The following SORBS2 variants were observed in gnomAD, a reference collection of about 807,000 sequenced individuals.
The protein encoded by SORBS2 is sorbin and SH3 domain containing 2.
In SORBS2, 46 loss-of-function variants were observed where a neutral mutation model predicts 97.7. That is an observed-to-expected ratio of 0.47 (90% CI 0.37 to 0.60). The LOEUF (loss-of-function observed/expected upper bound fraction) is 0.60, where lower values mean the gene tolerates loss of function less well. SORBS2 is among the 20% of genes least tolerant of loss of function. SORBS2 has a pLI of 0.00. For missense variants in SORBS2, 1,316 were observed against 1,282.3 expected, an observed-to-expected ratio of 1.03 and a Z score of -0.40; for synonymous variants, 476 against 473.4, an observed-to-expected ratio of 1.01 and a Z score of -0.07.
chr4:185,613,632 G>A (rs2096578882), intron 11 of SORBS2, among the ~76,000 whole-genome samples: 3 of 119,234 alleles, frequency 2.5e-5, no homozygotes, highest in Non-Finnish European at 4.9e-5. Flanking sequence ...GGGTGACAGA[G>A]TGACACTCCA....
At chr4:185,688,277 C>A (rs56058454) in intron 2 of SORBS2, among the ~76,000 whole-genome samples, 2 of 151,814 alleles carry the variant, frequency 1.3e-5, no homozygotes, top group African/African-American at 4.8e-5. Flanking sequence ...TAAAAGAATG[C>A]TTTTTAGCCG....
intron 2 of SORBS2, among the ~76,000 whole-genome samples, chr4:185,747,019 G>A (rs546914985): frequency 2.6e-5 from 4 of 152,304 alleles, no homozygotes; most frequent in Middle Eastern, 3.4e-3. Context: ...AGTGCCGGGC[G>A]CAGTGGCTCA....
intron 4 of SORBS2, 77 bp from the exon 14 acceptor site, chr4:185,639,112 G>T: frequency 1.5e-6 from 2 of 1,320,846 alleles, no homozygotes; most frequent in South Asian, 3.0e-5. Context: ...CCCTGGCAGC[G>T]CGCTGTGCCT....
chr4:185,883,325 A>G (rs2168165), intron 1 of SORBS2, among the ~76,000 whole-genome samples: 41,523 of 152,138 alleles, frequency 0.27, 5,927 homozygotes, highest in East Asian at 0.54. Context: ...TTAGGAAAAT[A>G]TGAATTAAAA....
Position 185,939,611 on chromosome 4 carries a change from A to G in SORBS2, c.-338+16585T>C, listed in dbSNP as rs149115202. Among the ~76,000 whole-genome samples, 591 of 152,248 alleles carry G rather than the reference A, an allele frequency of 3.9e-3. 6 individuals are homozygous for G. The highest frequency in any genetic ancestry group is 0.014 in the African/African-American group (570 of 41,538). On this transcript the variant is annotated intron_variant, in intron 1 of 20. Coordinates refer to the SORBS2 transcript ENST00000284776. ...CCGCAACCTCTGCCTCCCAGGTTCA[A>G]GCGATTCTCCTGCCTCAGCCTCCCT... is the stretch of plus-strand genomic sequence containing the variant.
At chr4:185,853,690 A>G (rs1188209140) in intron 1 of SORBS2, among the ~76,000 whole-genome samples, 1 of 152,246 alleles carries the variant, frequency 6.6e-6, no homozygotes, top group African/African-American at 2.4e-5. Context: ...ATATGGTATT[A>G]TAAAAGAAAT....
intron 1 of SORBS2, among the ~76,000 whole-genome samples, chr4:185,926,457 G>T (rs115784943): frequency 0.021 from 3,199 of 152,080 alleles, 53 homozygotes; most frequent in Middle Eastern, 0.037. Flanking sequence ...TCATCTCGGA[G>T]GTGATGGAAA....
intron 1 of SORBS2, among the ~76,000 whole-genome samples, chr4:185,951,690 G>A (rs1030891855): frequency 6.6e-6 from 1 of 152,194 alleles, no homozygotes; most frequent in African/African-American, 2.4e-5. Flanking sequence ...GAGAGATGCT[G>A]AACAAAGGTA....
At chr4:185,641,131 CTATGATAG>C (rs2097119037) in intron 4 of SORBS2, among the ~76,000 whole-genome samples, 1 of 133,524 alleles carries the variant, frequency 7.5e-6, no homozygotes. Flanking sequence ...TAATGCATCT[CTATGATAG>C]AATATGGAAA....
rs182805784 is a variant in SORBS2, at chr4:185,768,487, T to G, written c.-198+6740A>C. Among the ~76,000 whole-genome samples the G allele has an allele frequency of 1.3e-3, 196 of 152,162 alleles. 2 individuals are homozygous for G. The highest frequency in any genetic ancestry group is 1.8e-3 in the Admixed American group (27 of 15,290). ...TGGGTGGATCACTTGAGGTCTGGAC[T>G]ATGAGACCAGCCTGGCAGCCTGGGC... is the stretch of plus-strand genomic sequence containing the variant. On this transcript the variant is annotated intron_variant, in intron 2 of 20. Coordinates refer to the SORBS2 transcript ENST00000284776.
chr4:185,599,112 A>C (rs1282388504), intron 12 of SORBS2, among the ~76,000 whole-genome samples: 2 of 152,370 alleles, frequency 1.3e-5, no homozygotes, highest in Admixed American at 6.5e-5. Context: ...AAAAGCACAA[A>C]GTGGCATGAA....
chr4:185,862,687 A>C (rs1483190269), intron 1 of SORBS2, among the ~76,000 whole-genome samples: 1 of 152,236 alleles, frequency 6.6e-6, no homozygotes, highest in African/African-American at 2.4e-5. Context: ...CAAGAAATAC[A>C]TATTTCCTGG....
chr4:185,683,226 TG>T (rs34670612), intron 2 of SORBS2, among the ~76,000 whole-genome samples: 23,172 of 137,016 alleles, frequency 0.17, 2,000 homozygotes, highest in Middle Eastern at 0.22. Context: ...AAGTGTGAAA[TG>T]TTTTTTTTTT....
chr4:185,869,798 T>G (rs2099229399), intron 1 of SORBS2, among the ~76,000 whole-genome samples: 1 of 152,218 alleles, frequency 6.6e-6, no homozygotes, highest in Non-Finnish European at 1.5e-5. Context: ...CTGAGCCTCA[T>G]TTCTGCTTTG....
At chr4:185,946,501 T>C (rs1488994927) in intron 1 of SORBS2, among the ~76,000 whole-genome samples, 1 of 152,208 alleles carries the variant, frequency 6.6e-6, no homozygotes, top group Admixed American at 6.5e-5. Flanking sequence ...GACATAGATA[T>C]GAATTCCAGA....
intron 1 of SORBS2, among the ~76,000 whole-genome samples, chr4:185,793,170 A>G (rs909988857): frequency 7.9e-5 from 12 of 152,252 alleles, no homozygotes; most frequent in African/African-American, 1.9e-4. Context: ...ATTTTAGATC[A>G]GCCCAAGAAA....
chr4:185,644,260 T>C (rs550488846), intron 4 of SORBS2, among the ~76,000 whole-genome samples: 11 of 152,280 alleles, frequency 7.2e-5, no homozygotes, highest in Admixed American at 5.2e-4. Context: ...TCTTCTCCTG[T>C]GGCTGCAGAG....
intron 12 of SORBS2, among the ~76,000 whole-genome samples, chr4:185,602,641 A>G (rs2096289845): frequency 6.6e-6 from 1 of 152,236 alleles, no homozygotes; most frequent in Non-Finnish European, 1.5e-5. Context: ...AACATTACTA[A>G]GAGTTTATTT....
At chr4:185,865,756 C>T (rs572851012) in intron 1 of SORBS2, among the ~76,000 whole-genome samples, 4 of 152,160 alleles carry the variant, frequency 2.6e-5, no homozygotes, top group Non-Finnish European at 4.4e-5. Context: ...TCTCAGAGAA[C>T]GCTAGTCAAG....
Sources: allele counts gnomAD v4.1 joint callset (sites outside exome capture counted in the v4.1 genomes callset), GRCh38; gene constraint gnomAD v4.1.1; transcripts MANE v1.5; gene names NCBI Gene and HGNC (gene_info 2026-07-23, HGNC 2026-07-21).